Variants in DPYSL2 observed in about 807,000 individuals in gnomAD.
The protein encoded by DPYSL2 is dihydropyrimidinase like 2, also known as dihydropyrimidinase-related protein 2.
Under a neutral mutation model 69.9 loss-of-function variants are expected in DPYSL2, and 13 were observed. The ratio of observed to expected loss-of-function variants is 0.19; its 90% CI spans 0.12 to 0.30. The LOEUF (loss-of-function observed/expected upper bound fraction) is 0.30, where lower values mean the gene tolerates loss of function less well. DPYSL2 is among the 10% of genes least tolerant of loss of function. DPYSL2 has a pLI of 1.00. For missense variants in DPYSL2, 587 were observed against 918.9 expected, an observed-to-expected ratio of 0.64 and a Z score of 4.67; for synonymous variants, 326 against 359.1, an observed-to-expected ratio of 0.91 and a Z score of 1.04.
Position 26,560,998 on chromosome 8 carries a change from A to G in DPYSL2, c.355-20971A>G, listed in dbSNP as rs905605531. Among the ~76,000 whole-genome samples the G allele has an allele frequency of 2.6e-5, 4 of 152,254 alleles. No individual in the cohort carries two copies. The highest frequency in any genetic ancestry group is 1.9e-4 in the East Asian group (1 of 5,178). ...AGTTATTAATGGTACCTTACACTAC[A>G]CAGTTGCTGCCACATCCATTATCTC... On this transcript the variant is annotated intron_variant, in intron 1 of 13. Coordinates refer to ENST00000521913, the MANE Select transcript of DPYSL2 (RefSeq NM_001197293.3). This position sits in a 1 kb window ranked among gnomAD's most constrained non-coding sequence, Gnocchi z 4.4.
chr8:26,612,979 C>T (rs755114945), intron 3 of DPYSL2, among the ~76,000 whole-genome samples: 13 of 152,148 alleles, frequency 8.5e-5, no homozygotes, highest in East Asian at 3.8e-4. Flanking sequence ...AGATAAGGTA[C>T]GTGATAACAC....
chr8:26,580,159 C>T lies in DPYSL2; in HGVS notation c.355-1810C>T, dbSNP rs1177605692. Among the ~76,000 whole-genome samples the T allele has an allele frequency of 2.0e-5, 3 of 152,032 alleles. No homozygotes were observed. The highest frequency in any genetic ancestry group is 2.0e-4 in the Admixed American group (3 of 15,264). On this transcript the variant is annotated intron_variant, in intron 1 of 13. Transcript: ENST00000521913. This position sits in a 1 kb window ranked among gnomAD's most constrained non-coding sequence, Gnocchi z 4.1. ...GCGGTGATGGCTGGGGCAGGTACCACAGTGACTGTGGAGGCAGGAGGTGAA... is the reference window on the plus strand; with the variant it reads ...GCGGTGATGGCTGGGGCAGGTACCATAGTGACTGTGGAGGCAGGAGGTGAA...
At chr8:26,577,843 A>T in intron 1 of DPYSL2, 1 of 1,047,382 alleles carries the variant, frequency 9.5e-7, no homozygotes, top group Non-Finnish European at 1.2e-6. Flanking sequence ...GATCGCGGCC[A>T]ATCGCTGCTC....
At chr8:26,556,922 C>A (rs911330049) in intron 1 of DPYSL2, among the ~76,000 whole-genome samples, 1 of 152,114 alleles carries the variant, frequency 6.6e-6, no homozygotes, top group Non-Finnish European at 1.5e-5. Context: ...GGGACCCACA[C>A]AGATATAGTT....
rs753765158 is a variant in DPYSL2, at chr8:26,627,299, C to G, written c.936+4C>G. 2 of 1,613,954 alleles carry G rather than the reference C, an allele frequency of 1.2e-6. No homozygotes were observed. The highest frequency in any genetic ancestry group is 1.7e-6 in the Non-Finnish European group (2 of 1,179,980). Reference sequence around the variant, plus strand: ...AAATGGCGACATCATTGCAGAGGTACAGGGCTTTCTTTTTCGTCATTTCTT... The same window carrying G: ...AAATGGCGACATCATTGCAGAGGTAGAGGGCTTTCTTTTTCGTCATTTCTT... On this transcript the variant is annotated splice_donor_region_variant and intron_variant, in intron 6 of 13. Transcript: ENST00000521913. This position sits in a 1 kb window ranked among gnomAD's most constrained non-coding sequence, Gnocchi z 6.9.
chr8:26,545,964 T>C (rs1377290831), intron 1 of DPYSL2, among the ~76,000 whole-genome samples: 1 of 152,220 alleles, frequency 6.6e-6, no homozygotes, highest in Admixed American at 6.5e-5. Context: ...ACGTTGCCTA[T>C]TCTGGGTCTT....
chr8:26,514,454 G>C lies in DPYSL2; in HGVS notation c.129G>C (p.Gly43=). The change falls in exon 1 of 14, where the codon GGG becomes GGC. Residue 43 remains glycine, a synonymous_variant. Coordinates refer to ENST00000521913, the MANE Select transcript of DPYSL2 (RefSeq NM_001197293.3). The surrounding 1 kb of genome is among the most constrained non-coding windows in gnomAD (Gnocchi z 8.4). ...KFCGMFCPVE[G]SSENKTIDFD... is the part of the protein sequence containing the mutation. ...GTGGCATGTTCTGCCCGGTGGAAGG[G>C]TCCTCGGAGAACAAGACCATCGACT... The C allele has an allele frequency of 6.5e-7, 1 of 1,528,698 alleles. No individual in the cohort carries two copies. 94.7% of individuals were successfully genotyped at this position (1,528,698 alleles called of 1,614,324 possible).
chr8:26,585,602 C>T lies in DPYSL2; in HGVS notation c.628+1619C>T, dbSNP rs1801584381. Among the ~76,000 whole-genome samples the T allele has an allele frequency of 6.6e-6, 1 of 152,176 alleles. No individual in the cohort carries two copies. Among genetic ancestry groups the T allele is most frequent in the African/African-American group, 2.4e-5 (1 of 41,432 alleles). On this transcript the variant is annotated intron_variant, in intron 3 of 13. Coordinates refer to ENST00000521913, the MANE Select transcript of DPYSL2 (RefSeq NM_001197293.3). The surrounding 1 kb of genome is among the most constrained non-coding windows in gnomAD (Gnocchi z 4.0). ...CACCTAGGGAGAGCAGAGCCTGCACCTTGTCATTTGCTGGGGAATCACTGG... is the reference window on the plus strand; with the variant it reads ...CACCTAGGGAGAGCAGAGCCTGCACTTTGTCATTTGCTGGGGAATCACTGG...
intron 1 of DPYSL2, among the ~76,000 whole-genome samples, chr8:26,574,611 T>C (rs1488899985): frequency 1.3e-5 from 2 of 152,254 alleles, no homozygotes; most frequent in African/African-American, 4.8e-5. Context: ...TTTCTCATGT[T>C]TGGCATGAAT....
At chr8:26,552,931 G>A (rs1800893050) in intron 1 of DPYSL2, among the ~76,000 whole-genome samples, 1 of 152,130 alleles carries the variant, frequency 6.6e-6, no homozygotes, top group South Asian at 2.1e-4. Context: ...GAAAAGAAGA[G>A]AGAAGACACA....
At chr8:26,552,058 C>G (rs1018876660) in intron 1 of DPYSL2, among the ~76,000 whole-genome samples, 1 of 152,174 alleles carries the variant, frequency 6.6e-6, no homozygotes, top group African/African-American at 2.4e-5. Context: ...AAGCAATCCT[C>G]CTGTCTCAGC....
chr8:26,554,364 T>TG (rs1800912170), intron 1 of DPYSL2, among the ~76,000 whole-genome samples: 1 of 68,824 alleles, frequency 1.5e-5, no homozygotes. Context: ...CAGTTTTTAA[T>TG]GGTTTTTTTT....
At chr8:26,607,515 C>A (rs546598849) in intron 3 of DPYSL2, among the ~76,000 whole-genome samples, 1 of 114,062 alleles carries the variant, frequency 8.8e-6, no homozygotes, top group African/African-American at 3.4e-5. Context: ...TGGGGCTGGG[C>A]GTGATGGCTC....
In DPYSL2 at chr8:26,563,797, C is replaced by T. The variant is rs183530876; in HGVS notation, c.355-18172C>T. The stretch of plus-strand genomic sequence containing the variant: ...GGCAGAGGTGTTGTAGGTTTTTTTA[C>T]TATCATATCCCTTGGCACATAGAAG... On this transcript the variant is annotated intron_variant, in intron 1 of 13. Transcript: ENST00000521913. Among the ~76,000 whole-genome samples, 20 of 152,264 alleles carry T rather than the reference C, an allele frequency of 1.3e-4. No individual in the cohort carries two copies. In the East Asian group the frequency reaches 3.7e-3, roughly 28 times the overall value.
At chr8:26,575,346 GTTTTT>G (rs1563392308) in intron 1 of DPYSL2, among the ~76,000 whole-genome samples, 1 of 151,850 alleles carries the variant, frequency 6.6e-6, no homozygotes, top group Non-Finnish European at 1.5e-5. Flanking sequence ...TTTACCTGTG[GTTTTT>G]TGTTTTTTTT....
At chr8:26,646,812 AGATCTG>A (rs1803174390) in intron 10 of DPYSL2, among the ~76,000 whole-genome samples, 1 of 151,824 alleles carries the variant, frequency 6.6e-6, no homozygotes, top group African/African-American at 2.4e-5. Flanking sequence ...CAACATAGTG[AGATCTG>A]TCTCTTAAAA....
chr8:26,576,667 A>G (rs915032363), intron 1 of DPYSL2, among the ~76,000 whole-genome samples: 7 of 152,228 alleles, frequency 4.6e-5, no homozygotes, highest in Non-Finnish European at 1.0e-4. Flanking sequence ...TGAAGTGACA[A>G]GGCTCTGCCT....
At chr8:26,556,920 C>T (rs1800996941) in intron 1 of DPYSL2, among the ~76,000 whole-genome samples, 1 of 152,086 alleles carries the variant, frequency 6.6e-6, no homozygotes, top group Non-Finnish European at 1.5e-5. Flanking sequence ...AGGGGACCCA[C>T]ACAGATATAG....
chr8:26,516,085 G>A lies in DPYSL2; in HGVS notation c.354+1406G>A, dbSNP rs1311048776. 6.6e-6 allele frequency among the ~76,000 whole-genome samples: 1 copy of A among 152,132 alleles called. No homozygotes were observed. Among genetic ancestry groups the A allele is most frequent in the African/African-American group, 2.4e-5 (1 of 41,418 alleles). ...TAGGGTCAAGTCTAGGAAAAACAAG[G>A]CATTTGCTGTCATTTGTAAAAGGTG... On this transcript the variant is annotated intron_variant, in intron 1 of 13. Transcript: ENST00000521913. This position sits in a 1 kb window ranked among gnomAD's most constrained non-coding sequence, Gnocchi z 4.8.
Sources: gnomAD v4.1 joint callset for allele counts (sites outside exome capture counted in the v4.1 genomes callset) on GRCh38, gnomAD v4.1.1 for gene constraint, Gnocchi (gnomAD v3.1) non-coding constraint, MANE v1.5 for transcripts, NCBI Gene and HGNC (gene_info 2026-07-23, HGNC 2026-07-21) for gene names.